The following RBMS3 variants were observed in gnomAD, a reference collection of about 807,000 sequenced individuals.
The protein encoded by RBMS3 is RNA-binding motif, single-stranded-interacting protein 3.
A neutral mutation model predicts 66.8 loss-of-function variants in RBMS3; 27 were observed. That is an observed-to-expected ratio of 0.40 (90% CI 0.30 to 0.56). The LOEUF (loss-of-function observed/expected upper bound fraction) is 0.56. RBMS3 is among the 20% of genes least tolerant of loss of function. The pLI is 0.40. For missense variants in RBMS3, 513 were observed against 549.5 expected (o/e 0.93, Z 0.66); for synonymous variants, 188 against 183.0 (o/e 1.03, Z -0.22).
At chr3:29,339,895 G>A (rs1023946244) in intron 1 of RBMS3, among the ~76,000 whole-genome samples, 2 of 152,092 alleles carry the variant, frequency 1.3e-5, no homozygotes, top group African/African-American at 2.4e-5. Context: ...TGTAGGGTGA[G>A]CAGCACATTT....
chr3:29,335,913 G>A (rs2035921552), intron 1 of RBMS3, among the ~76,000 whole-genome samples: 1 of 151,308 alleles, frequency 6.6e-6, no homozygotes, highest in South Asian at 2.1e-4. Flanking sequence ...TTTTGTTTTT[G>A]AGGGGTACTC....
chr3:29,436,002 CCTGTATTTTTTGGTT>C (rs2041390534), intron 2 of RBMS3, among the ~76,000 whole-genome samples: 1 of 150,844 alleles, frequency 6.6e-6, no homozygotes, highest in South Asian at 2.1e-4. Context: ...GAATCGTAGA[CCTGTATTTTTTGGTT>C]AGTATCTGAT....
intron 3 of RBMS3, among the ~76,000 whole-genome samples, chr3:29,586,046 G>T (rs1303964172): frequency 6.6e-6 from 1 of 152,096 alleles, no homozygotes; most frequent in East Asian, 1.9e-4. Context: ...CACCTCCTTA[G>T]TAGGTTAGTA....
intron 4 of RBMS3, among the ~76,000 whole-genome samples, chr3:29,588,590 A>T (rs569544808): frequency 6.6e-6 from 1 of 152,046 alleles, no homozygotes; most frequent in Non-Finnish European, 1.5e-5. Context: ...ACTTTGGTGA[A>T]CTCATTGTCC....
chr3:29,716,306 C>T (rs911227641), intron 4 of RBMS3, among the ~76,000 whole-genome samples: 4 of 152,082 alleles, frequency 2.6e-5, no homozygotes, highest in Non-Finnish European at 5.9e-5. Context: ...TGCTTATTAC[C>T]ATACAATGGT....
chr3:29,892,482 G>A (rs941609954), intron 8 of RBMS3, among the ~76,000 whole-genome samples: 21 of 151,330 alleles, frequency 1.4e-4, no homozygotes, highest in African/African-American at 4.4e-4. Flanking sequence ...CTCCAGTTGC[G>A]ATAACAAAAA....
At chr3:29,915,125 G>C (rs995286074) in intron 10 of RBMS3, among the ~76,000 whole-genome samples, 1 of 151,074 alleles carries the variant, frequency 6.6e-6, no homozygotes, top group Non-Finnish European at 1.5e-5. Flanking sequence ...TCACTGGAGG[G>C]TTCCCACTGC....
intron 6 of RBMS3, among the ~76,000 whole-genome samples, chr3:29,770,242 T>C (rs1432799940): frequency 6.6e-6 from 1 of 151,942 alleles, no homozygotes; most frequent in Non-Finnish European, 1.5e-5. Context: ...ATAAATGTCT[T>C]GAGAAAAAAC....
At chr3:30,002,071 T>G (rs2125404032) in intron 14 of RBMS3, among the ~76,000 whole-genome samples, 1 of 152,136 alleles carries the variant, frequency 6.6e-6, no homozygotes, top group African/African-American at 2.4e-5. Context: ...TTGCCATCAT[T>G]TGTTTTCATG....
intron 3 of RBMS3, among the ~76,000 whole-genome samples, chr3:29,564,720 G>A (rs2046681456): frequency 6.6e-6 from 1 of 152,002 alleles, no homozygotes; most frequent in African/African-American, 2.4e-5. Context: ...ACACTACCTT[G>A]CAGAAACTTC....
chr3:29,922,312 C>A (rs1025186900), intron 10 of RBMS3, among the ~76,000 whole-genome samples: 1 of 151,238 alleles, frequency 6.6e-6, no homozygotes, highest in Admixed American at 6.6e-5. Context: ...AAGGTGAAAC[C>A]CCGTCTCTAC....
chr3:29,518,345 A>G (rs527294398), intron 3 of RBMS3, among the ~76,000 whole-genome samples: 77 of 152,318 alleles, frequency 5.1e-4, no homozygotes, highest in African/African-American at 1.8e-3. Context: ...ATGAGTTATC[A>G]TGTCATGGCA....
chr3:29,296,810 T>G (rs2033299995), intron 1 of RBMS3, among the ~76,000 whole-genome samples: 2 of 151,694 alleles, frequency 1.3e-5, no homozygotes, highest in African/African-American at 2.4e-5. Flanking sequence ...TTTCCAAGTT[T>G]GATGGCCAAA....
chr3:29,618,339 C>G (rs2048740503), intron 4 of RBMS3, among the ~76,000 whole-genome samples: 1 of 152,010 alleles, frequency 6.6e-6, no homozygotes, highest in South Asian at 2.1e-4. Flanking sequence ...TACTACATCT[C>G]TACCAAAATT....
At chr3:29,841,242 C>T (rs1181519853) in intron 6 of RBMS3, among the ~76,000 whole-genome samples, 1 of 151,772 alleles carries the variant, frequency 6.6e-6, no homozygotes, top group South Asian at 2.1e-4. Context: ...AATTAGCCCT[C>T]GATTTGTTGT....
intron 4 of RBMS3, chr3:29,698,342 A>C: frequency 1.0e-6 from 1 of 985,426 alleles, no homozygotes; most frequent in Non-Finnish European, 1.2e-6. Context: ...TGGAATAATA[A>C]AACCGGAGCA....
Position 29,919,559 on chromosome 3 carries a change from T to C in RBMS3, c.940-16527T>C, listed in dbSNP as rs897767061. 3.9e-5 allele frequency among the ~76,000 whole-genome samples: 6 copies of C among 152,224 alleles called. No homozygotes were observed. In the South Asian group the frequency reaches 1.2e-3, roughly 32 times the overall value. On this transcript the variant is annotated intron_variant, in intron 10 of 14. Transcript: ENST00000383767. ...TCCCAGTTTCAATTTTTGTCAGCTG[T>C]CCCTCTATATTTTCAGTGTAAATCC...
intron 1 of RBMS3, among the ~76,000 whole-genome samples, chr3:29,399,679 C>T (rs183223813): frequency 1.8e-3 from 272 of 150,604 alleles, no homozygotes; most frequent in African/African-American, 6.4e-3. Flanking sequence ...ATATATTTGC[C>T]CACTGAATCT....
chr3:29,373,052 C>A (rs368423302), intron 1 of RBMS3, among the ~76,000 whole-genome samples: 1 of 152,112 alleles, frequency 6.6e-6, no homozygotes, highest in African/African-American at 2.4e-5. Context: ...ACATAACTTT[C>A]TCTGGGTTTT....
Sources: gnomAD v4.1 joint callset for allele counts (sites outside exome capture counted in the v4.1 genomes callset) on GRCh38, gnomAD v4.1.1 for gene constraint, MANE v1.5 for transcripts, NCBI Gene and HGNC (gene_info 2026-07-23, HGNC 2026-07-21) for gene names.